The following IQCJ variants were observed in gnomAD, a reference collection of about 807,000 sequenced individuals.
The protein encoded by IQCJ is IQ motif containing J.
Under a neutral mutation model 11.0 loss-of-function variants are expected in IQCJ, and 9 were observed. The ratio of observed to expected loss-of-function variants is 0.82; its 90% CI spans 0.49 to 1.43. IQCJ has a LOEUF of 1.43. Ranked by LOEUF, IQCJ falls within the 40% of genes most tolerant of loss-of-function variation. IQCJ has a pLI of 0.00. For missense variants in IQCJ, 146 were observed against 133.2 expected (o/e 1.10, Z -0.47); for synonymous variants, 55 against 51.3 (o/e 1.07, Z -0.31).
chr3:159,168,754 C>A (rs1722314853), intron 1 of IQCJ, among the ~76,000 whole-genome samples: 1 of 152,026 alleles, frequency 6.6e-6, no homozygotes, highest in Admixed American at 6.5e-5. Context: ...ATGAAATATT[C>A]CATAACATTC....
chr3:159,265,563 C>A, downstream of IQCJ: 5 of 558,160 alleles, frequency 9.0e-6, no homozygotes, highest in Non-Finnish European at 1.6e-5. Context: ...AGCTGTGTCC[C>A]TGGGGAGTTC....
rs1235532186 is a variant in IQCJ at position 159,252,804 on chromosome 3, A to T, written c.152A>T (p.Lys51Ile). ...CTACAGCCCTTGGAATCAAAGGTGAAAATGTAAGTTATTTCAAAGTATAAA... is the reference window on the plus strand; with the variant it reads ...CTACAGCCCTTGGAATCAAAGGTGATAATGTAAGTTATTTCAAAGTATAAA... ...LNLQPLESKV[K>I]IIQRAWREYL... The change falls in exon 3 of 4, where the codon AAA becomes ATA. Residue 51 changes from lysine (K) to isoleucine (I), a missense_variant. Coordinates refer to ENST00000397832, the MANE Select transcript of IQCJ (RefSeq NM_001042706.3). The T allele has an allele frequency of 6.8e-6, 11 of 1,610,626 alleles. No individual in the cohort carries two copies. In the East Asian group the frequency reaches 2.2e-4, roughly 33 times the overall value.
intron 1 of IQCJ, among the ~76,000 whole-genome samples, chr3:159,139,205 C>A (rs2108176511): frequency 6.6e-6 from 1 of 152,008 alleles, no homozygotes; most frequent in South Asian, 2.1e-4. Context: ...TACATCTGTG[C>A]ATTGACATAG....
chr3:159,167,885 T>C (rs1722262303), intron 1 of IQCJ, among the ~76,000 whole-genome samples: 1 of 152,234 alleles, frequency 6.6e-6, no homozygotes, highest in Non-Finnish European at 1.5e-5. Flanking sequence ...AGACAAGAGA[T>C]AAAACTTAAT....
intron 1 of IQCJ, among the ~76,000 whole-genome samples, chr3:159,127,185 G>T (rs1250944400): frequency 6.6e-6 from 1 of 152,220 alleles, no homozygotes; most frequent in Non-Finnish European, 1.5e-5. Context: ...AAGTGAATGT[G>T]ATATTAACCA....
rs76114979 is a variant in IQCJ at position 159,081,154 on chromosome 3, G to T, written c.9+11713G>T. Among the ~76,000 whole-genome samples, 456 of 152,176 alleles carry T rather than the reference G, an allele frequency of 3.0e-3. 2 individuals carry two copies. The highest frequency in any genetic ancestry group is 0.011 in the African/African-American group (440 of 41,528). On this transcript the variant is annotated intron_variant, in intron 1 of 3. Transcript: ENST00000397832. ...CTGCCATTCTCAGTGCTGTCTTGTA[G>T]GTGTCTTTTATTGTGTGATGACTTC...
chr3:159,230,890 G>T (rs888000581), intron 1 of IQCJ, among the ~76,000 whole-genome samples: 1 of 152,128 alleles, frequency 6.6e-6, no homozygotes, highest in East Asian at 1.9e-4. Flanking sequence ...TGTTGGGGGT[G>T]TGTAGGAAAA....
At chr3:159,125,600 T>G (rs146472267) in intron 1 of IQCJ, among the ~76,000 whole-genome samples, 15 of 152,322 alleles carry the variant, frequency 9.8e-5, no homozygotes, top group African/African-American at 3.6e-4. Context: ...AATCTAAAAC[T>G]GTTCTAAAAG....
At chr3:159,181,397 T>TTTAACTTG (rs776539717) in intron 1 of IQCJ, among the ~76,000 whole-genome samples, 4 of 143,378 alleles carry the variant, frequency 2.8e-5, no homozygotes, top group Non-Finnish European at 6.1e-5. Context: ...TTCACTTGGT[T>TTTAACTTG]TTAACTTGTT....
At chr3:159,177,951 T>G (rs1466373570) in intron 1 of IQCJ, among the ~76,000 whole-genome samples, 1 of 152,182 alleles carries the variant, frequency 6.6e-6, no homozygotes, top group Non-Finnish European at 1.5e-5. Flanking sequence ...GGATAGATAG[T>G]GAATAAGACA....
At chr3:159,240,452 A>G (rs962092862) in intron 1 of IQCJ, among the ~76,000 whole-genome samples, 15 of 152,246 alleles carry the variant, frequency 9.9e-5, no homozygotes, top group African/African-American at 3.6e-4. Context: ...CAGCCAAAGC[A>G]AAACAAATGA....
At chr3:159,153,978 TGTAA>T (rs1033539594) in intron 1 of IQCJ, among the ~76,000 whole-genome samples, 1 of 152,224 alleles carries the variant, frequency 6.6e-6, no homozygotes, top group Non-Finnish European at 1.5e-5. Context: ...CCCCAAATTC[TGTAA>T]GTCTCAAATC....
intron 1 of IQCJ, among the ~76,000 whole-genome samples, chr3:159,214,427 A>G (rs567486460): frequency 3.3e-5 from 5 of 152,296 alleles, no homozygotes; most frequent in East Asian, 3.9e-4. Context: ...AACTACTCCA[A>G]AAACCTTCCT....
intron 2 of IQCJ, among the ~76,000 whole-genome samples, chr3:159,249,886 A>G (rs914651244): frequency 1.6e-5 from 2 of 122,982 alleles, no homozygotes; most frequent in Non-Finnish European, 3.6e-5. Context: ...GGCAGAGCCA[A>G]TCAAGTGCAT....
intron 1 of IQCJ, among the ~76,000 whole-genome samples, chr3:159,085,352 A>G (rs550018347): frequency 0.016 from 2,388 of 151,942 alleles, 70 homozygotes; most frequent in African/African-American, 0.055. Flanking sequence ...AGTCTTTGCT[A>G]TTGTGAATAA....
intron 1 of IQCJ, among the ~76,000 whole-genome samples, chr3:159,103,448 A>G (rs1165254280): frequency 6.6e-6 from 1 of 152,204 alleles, no homozygotes; most frequent in East Asian, 1.9e-4. Context: ...TAAATTAAAC[A>G]CAAAATGGAG....
intron 1 of IQCJ, among the ~76,000 whole-genome samples, chr3:159,108,477 C>T (rs1053531037): frequency 7.2e-5 from 11 of 152,220 alleles, no homozygotes; most frequent in African/African-American, 2.2e-4. Flanking sequence ...AGGGGAGTTT[C>T]GTCTTCCTTA....
intron 2 of IQCJ, among the ~76,000 whole-genome samples, chr3:159,248,369 T>C (rs2108203663): frequency 6.6e-6 from 1 of 152,336 alleles, no homozygotes; most frequent in South Asian, 2.1e-4. Flanking sequence ...TGTTCATTTA[T>C]TTTTATTATG....
At chr3:159,073,114 G>A (rs756636975) in intron 1 of IQCJ, among the ~76,000 whole-genome samples, 4 of 152,116 alleles carry the variant, frequency 2.6e-5, no homozygotes, top group African/African-American at 4.8e-5. Context: ...GGCAACCTCT[G>A]GAGGGAAGAT....
Sources: gnomAD v4.1 joint callset for allele counts (sites outside exome capture counted in the v4.1 genomes callset) on GRCh38, gnomAD v4.1.1 for gene constraint, MANE v1.5 for transcripts, NCBI Gene and HGNC (gene_info 2026-07-23, HGNC 2026-07-21) for gene names.